RBFOX1: variants seen among roughly 807,000 people sequenced by gnomAD.
The protein encoded by RBFOX1 is RNA binding protein fox-1 homolog 1.
RBFOX1 carries 8 observed loss-of-function variants against 57.7 expected under a neutral mutation model. That is an observed-to-expected ratio of 0.14 (90% confidence interval 0.08 to 0.25). RBFOX1 has a LOEUF of 0.25. RBFOX1 is among the 10% of genes least tolerant of loss of function. The pLI is 1.00. For missense variants in RBFOX1, 611 were observed against 548.5 expected (o/e 1.11, Z -1.14); for synonymous variants, 326 against 222.4 (o/e 1.47, Z -4.15).
intron 2 of RBFOX1, among the ~76,000 whole-genome samples, chr16:5,552,789 G>C (rs1454196122): frequency 6.6e-6 from 1 of 152,104 alleles, no homozygotes; most frequent in Non-Finnish European, 1.5e-5. Flanking sequence ...TGAAGTCCCT[G>C]CTGCTAAACA....
chr16:6,540,514 A>C (rs1325753775), intron 2 of RBFOX1, among the ~76,000 whole-genome samples: 3 of 147,436 alleles, frequency 2.0e-5, no homozygotes, highest in East Asian at 4.2e-4. Flanking sequence ...CAGGAGGCTG[A>C]GGCAGGAAAA....
chr16:7,475,829 G>C (rs952690218), intron 4 of RBFOX1, among the ~76,000 whole-genome samples: 6 of 152,168 alleles, frequency 3.9e-5, no homozygotes, highest in African/African-American at 1.4e-4. Context: ...ATATATGTTG[G>C]TAACAGATTA....
intron 4 of RBFOX1, among the ~76,000 whole-genome samples, chr16:5,870,321 A>G (rs2057439088): frequency 6.7e-6 from 1 of 149,650 alleles, no homozygotes; most frequent in African/African-American, 2.5e-5. Flanking sequence ...TATAAAACTG[A>G]TAGAGCTCTA....
intron 12 of RBFOX1, among the ~76,000 whole-genome samples, chr16:7,659,455 G>T (rs2067141998): frequency 6.6e-6 from 1 of 152,108 alleles, no homozygotes; most frequent in African/African-American, 2.4e-5. Flanking sequence ...AGGAACAAAA[G>T]TCATCATTAC....
intron 4 of RBFOX1, among the ~76,000 whole-genome samples, chr16:7,095,063 G>A (rs1194570553): frequency 2.0e-5 from 3 of 152,044 alleles, no homozygotes; most frequent in South Asian, 4.1e-4. Context: ...TCTATATTTT[G>A]TTGATGATAT....
chr16:6,052,475 G>C (rs1358376967), intron 1 of RBFOX1, among the ~76,000 whole-genome samples: 2 of 152,066 alleles, frequency 1.3e-5, no homozygotes, highest in African/African-American at 2.4e-5. Flanking sequence ...AATCTGTAAA[G>C]TGGGGAACAT....
At chr16:5,748,463 T>C (rs946503614) in intron 3 of RBFOX1, among the ~76,000 whole-genome samples, 11 of 152,198 alleles carry the variant, frequency 7.2e-5, no homozygotes, top group African/African-American at 2.7e-4. Flanking sequence ...TGTCTAATGT[T>C]GACAGTGGGG....
At chr16:7,104,662 A>T (rs1465146291) in intron 4 of RBFOX1, among the ~76,000 whole-genome samples, 1 of 152,166 alleles carries the variant, frequency 6.6e-6, no homozygotes, top group African/African-American at 2.4e-5. Flanking sequence ...CCAGAAAGAC[A>T]CATGTTTTCC....
intron 4 of RBFOX1, among the ~76,000 whole-genome samples, chr16:7,465,256 G>C (rs10468333): frequency 0.61 from 93,127 of 152,034 alleles, 29,428 homozygotes; most frequent in East Asian, 0.76. Flanking sequence ...CCTCTGATAA[G>C]CCCAATTGAA....
chr16:5,363,521 C>G (rs2065613776), intron 1 of RBFOX1, among the ~76,000 whole-genome samples: 1 of 152,196 alleles, frequency 6.6e-6, no homozygotes, highest in African/African-American at 2.4e-5. Context: ...GACTTCCAGG[C>G]AGGCTCTTCT....
chr16:5,329,834 C>G (rs1894503709), intron 1 of RBFOX1, among the ~76,000 whole-genome samples: 1 of 152,070 alleles, frequency 6.6e-6, no homozygotes, highest in African/African-American at 2.4e-5. Context: ...CCCGTCTCTA[C>G]TAAAAAAGTC....
chr16:7,268,728 C>A (rs1429980656), intron 4 of RBFOX1, among the ~76,000 whole-genome samples: 1 of 152,002 alleles, frequency 6.6e-6, no homozygotes, highest in Non-Finnish European at 1.5e-5. Flanking sequence ...CTTTTTCTCA[C>A]CCAAAGGCAA....
chr16:5,709,178 C>A (rs2051360334), intron 3 of RBFOX1, among the ~76,000 whole-genome samples: 1 of 152,100 alleles, frequency 6.6e-6, no homozygotes, highest in South Asian at 2.1e-4. Context: ...TGTTTCTGGG[C>A]TCCAGTGAGA....
intron 3 of RBFOX1, among the ~76,000 whole-genome samples, chr16:6,713,493 T>C (rs1418591207): frequency 6.6e-6 from 1 of 152,084 alleles, no homozygotes; most frequent in East Asian, 1.9e-4. Context: ...TTGTAGGATG[T>C]TGAGGAGCAT....
chr16:6,057,798 T>A (rs1444428876), intron 1 of RBFOX1, among the ~76,000 whole-genome samples: 3 of 149,578 alleles, frequency 2.0e-5, no homozygotes, highest in Non-Finnish European at 4.4e-5. Flanking sequence ...CCTGGCACTG[T>A]TGAAATTTTA....
intron 3 of RBFOX1, among the ~76,000 whole-genome samples, chr16:5,677,672 A>G (rs1329994310): frequency 3.3e-5 from 5 of 152,238 alleles, no homozygotes; most frequent in African/African-American, 9.6e-5. Flanking sequence ...TCGTGTTAGT[A>G]GAGCTTGTTA....
At chr16:5,431,523 C>T (rs901352662) in intron 1 of RBFOX1, among the ~76,000 whole-genome samples, 2 of 152,010 alleles carry the variant, frequency 1.3e-5, no homozygotes, top group Non-Finnish European at 2.9e-5. Flanking sequence ...TACAGGCACC[C>T]ACCACCATGC....
chr16:6,787,887 T>A (rs553573017), intron 3 of RBFOX1, among the ~76,000 whole-genome samples: 1 of 152,154 alleles, frequency 6.6e-6, no homozygotes, highest in Non-Finnish European at 1.5e-5. Flanking sequence ...AGAGAGAAGT[T>A]TTAATATTAA....
chr16:5,497,672 G>T (rs1346172786), intron 2 of RBFOX1, among the ~76,000 whole-genome samples: 2 of 151,022 alleles, frequency 1.3e-5, no homozygotes, highest in African/African-American at 4.9e-5. Context: ...CCAGCTGCTT[G>T]GGAGGCTGAG....
Sources: gnomAD v4.1 joint callset for allele counts (sites outside exome capture counted in the v4.1 genomes callset) on GRCh38, gnomAD v4.1.1 for gene constraint, MANE v1.5 for transcripts, NCBI Gene and HGNC (gene_info 2026-07-23, HGNC 2026-07-21) for gene names.